MYO1B: variants seen among roughly 807,000 people sequenced by gnomAD.
MYO1B encodes myosin IB, also known as unconventional myosin-Ib.
In MYO1B, 72 loss-of-function variants were observed where a neutral mutation model predicts 159.7. The ratio of observed to expected loss-of-function variants is 0.45; its 90% CI spans 0.37 to 0.55. The LOEUF is 0.55. Among genes scored for constraint, MYO1B ranks in the 20% least tolerant of loss-of-function variants. The probability of loss-of-function intolerance (pLI) is 0.00; values close to 1 mark genes in which losing one functional copy is unlikely to be tolerated. For synonymous variants in MYO1B, 468 were observed against 473.8 expected (o/e 0.99, Z 0.16); for missense variants, 1,062 against 1,364.8 (o/e 0.78, Z 3.50).
chr2:191,389,463 G>A (rs1695609590), intron 17 of MYO1B, among the ~76,000 whole-genome samples: 1 of 152,322 alleles, frequency 6.6e-6, no homozygotes, highest in African/African-American at 2.4e-5. Context: ...TTTCCTGGGC[G>A]TGTTCCTCGT....
intron 5 of MYO1B, among the ~76,000 whole-genome samples, chr2:191,344,679 A>T (rs558575293): frequency 4.0e-5 from 6 of 151,754 alleles, no homozygotes; most frequent in African/African-American, 1.5e-4. Context: ...AAATACAAAA[A>T]ATTAGCCGGG....
chr2:191,317,432 G>A (rs1423827227), intron 3 of MYO1B, among the ~76,000 whole-genome samples: 1 of 152,198 alleles, frequency 6.6e-6, no homozygotes, highest in Non-Finnish European at 1.5e-5. Flanking sequence ...TCAAGAACTA[G>A]CAAGGGCCTG....
At chr2:191,340,821 G>A (rs1350769631) in intron 4 of MYO1B, among the ~76,000 whole-genome samples, 1 of 151,974 alleles carries the variant, frequency 6.6e-6, no homozygotes, top group African/African-American at 2.4e-5. Flanking sequence ...CACCTCCCGG[G>A]TTCAAGCACT....
chr2:191,372,816 C>G (rs541068376), intron 13 of MYO1B, among the ~76,000 whole-genome samples: 1 of 149,684 alleles, frequency 6.7e-6, no homozygotes, highest in African/African-American at 2.5e-5. Flanking sequence ...GTTATACCAT[C>G]ATTTTTCTCA....
At chr2:191,397,797 A>C (rs535450794) in intron 21 of MYO1B, among the ~76,000 whole-genome samples, 1 of 142,838 alleles carries the variant, frequency 7.0e-6, no homozygotes, top group Admixed American at 6.8e-5. Context: ...CACCTCCCGG[A>C]TGGGGCGTCT....
intron 3 of MYO1B, among the ~76,000 whole-genome samples, chr2:191,316,236 A>G (rs1690340194): frequency 6.6e-6 from 1 of 152,234 alleles, no homozygotes; most frequent in South Asian, 2.1e-4. Flanking sequence ...TTTAAAATTC[A>G]TTAATAGATT....
chr2:191,376,443 A>G (rs1271704417), intron 13 of MYO1B, among the ~76,000 whole-genome samples: 1 of 152,220 alleles, frequency 6.6e-6, no homozygotes, highest in Non-Finnish European at 1.5e-5. Flanking sequence ...CTTTAACACC[A>G]AATAAATCTT....
intron 3 of MYO1B, among the ~76,000 whole-genome samples, chr2:191,321,385 A>G (rs1690700093): frequency 2.0e-5 from 3 of 152,168 alleles, no homozygotes; most frequent in African/African-American, 4.8e-5. Flanking sequence ...CATTTTTGCC[A>G]AAAAGTTTGG....
chr2:191,249,452 G>A (rs1435819905), intron 1 of MYO1B, among the ~76,000 whole-genome samples: 1 of 152,204 alleles, frequency 6.6e-6, no homozygotes, highest in African/African-American at 2.4e-5. Flanking sequence ...CATTCCACAT[G>A]ATTTTTGTGC....
chr2:191,380,137 C>T (rs1694954398), intron 13 of MYO1B, among the ~76,000 whole-genome samples: 1 of 152,208 alleles, frequency 6.6e-6, no homozygotes, highest in Admixed American at 6.5e-5. Context: ...TTCCTCTGAT[C>T]ACTGCATCAC....
intron 3 of MYO1B, among the ~76,000 whole-genome samples, chr2:191,298,050 T>C (rs1396846484): frequency 2.6e-5 from 4 of 152,256 alleles, no homozygotes; most frequent in Admixed American, 6.5e-5. Flanking sequence ...ATTGGCTTTA[T>C]TAATTTTGAC....
At chr2:191,274,023 G>A (rs1243477108) in intron 1 of MYO1B, among the ~76,000 whole-genome samples, 1 of 152,150 alleles carries the variant, frequency 6.6e-6, no homozygotes, top group African/African-American at 2.4e-5. Context: ...ACCACCATAA[G>A]AAGATATGGA....
chr2:191,371,675 C>G (rs1291394621), intron 13 of MYO1B, among the ~76,000 whole-genome samples: 3 of 152,110 alleles, frequency 2.0e-5, no homozygotes, highest in Middle Eastern at 3.2e-3. Context: ...CACTTCCTCA[C>G]CTTTCTTCCC....
intron 13 of MYO1B, 69 bp from the exon 14 acceptor site, chr2:191,381,393 C>A: frequency 9.3e-7 from 1 of 1,079,090 alleles, no homozygotes; most frequent in Non-Finnish European, 1.4e-6. Flanking sequence ...ATTGAGATGT[C>A]TGAGTGTCAT....
intron 2 of MYO1B, among the ~76,000 whole-genome samples, chr2:191,286,774 A>C (rs535456974): frequency 6.6e-6 from 1 of 152,222 alleles, no homozygotes; most frequent in Non-Finnish European, 1.5e-5. Context: ...CTCTACCAAA[A>C]ATACAAAACT....
At chr2:191,325,917 G>T (rs901162669) in intron 3 of MYO1B, among the ~76,000 whole-genome samples, 3 of 152,078 alleles carry the variant, frequency 2.0e-5, no homozygotes, top group African/African-American at 7.2e-5. Flanking sequence ...CATACTTAGT[G>T]CTAGGGAAAG....
intron 28 of MYO1B, 31 bp downstream of exon 28, chr2:191,414,211 A>G (rs16833676): frequency 6.3e-7 from 1 of 1,595,070 alleles, no homozygotes; most frequent in South Asian, 1.2e-5. Flanking sequence ...GACTGATAAG[A>G]AGTACCTATT....
chr2:191,404,692 TAA>T lies in MYO1B; in HGVS notation c.2556+1977_2556+1978del, dbSNP rs528058524. Among the ~76,000 whole-genome samples the T allele has an allele frequency of 6.4e-3, 973 of 152,358 alleles. 10 individuals carry two copies. The highest frequency in any genetic ancestry group is 0.011 in the Non-Finnish European group (743 of 68,030). ...CAAATGTTTTGTTTGCCAGTGCAAA[TAA>T]AAGTTATGTTTACACTGTCTCTACT... On this transcript the variant is annotated intron_variant, in intron 24 of 30. Coordinates refer to ENST00000392318, the MANE Select transcript of MYO1B (RefSeq NM_001130158.3).
At chr2:191,412,679 G>C (rs757510697) in intron 27 of MYO1B, among the ~76,000 whole-genome samples, 5 of 152,218 alleles carry the variant, frequency 3.3e-5, no homozygotes, top group Non-Finnish European at 7.3e-5. Context: ...CAAATTGCCA[G>C]AACTTTGTAG....
Sources: gnomAD v4.1 joint callset for allele counts (sites outside exome capture counted in the v4.1 genomes callset) on GRCh38, gnomAD v4.1.1 for gene constraint, MANE v1.5 for transcripts, NCBI Gene and HGNC (gene_info 2026-07-23, HGNC 2026-07-21) for gene names.